NHEJ1: variants seen among roughly 807,000 people sequenced by gnomAD.
NHEJ1 encodes non-homologous end joining factor 1, also known as non-homologous end-joining factor 1.
A neutral mutation model predicts 39.4 loss-of-function variants in NHEJ1; 22 were observed. The ratio of observed to expected loss-of-function variants is 0.56; its 90% confidence interval spans 0.40 to 0.80. The LOEUF (loss-of-function observed/expected upper bound fraction) is 0.80, where lower values mean the gene tolerates loss of function less well. Among genes scored for constraint, NHEJ1 ranks in the 30% least tolerant of loss-of-function variants. The pLI is 0.00. For synonymous variants in NHEJ1, 154 were observed against 135.6 expected (o/e 1.14, Z -0.94); for missense variants, 329 against 357.1 (o/e 0.92, Z 0.63).
At chr2:219,137,128 A>G (rs1949638935) in intron 5 of NHEJ1, among the ~76,000 whole-genome samples, 4 of 151,918 alleles carry the variant, frequency 2.6e-5, no homozygotes, top group African/African-American at 9.7e-5. Flanking sequence ...TCACAGTGAG[A>G]AAACCCCAAA....
chr2:219,077,106 T>C, intron 7 of NHEJ1, 140 bp downstream of exon 7: 1 of 718,852 alleles, frequency 1.4e-6, no homozygotes, highest in South Asian at 1.5e-5. Context: ...TCTAGACACC[T>C]ACAATTTGGA....
Position 219,147,878 on chromosome 2 carries a change from G to A in NHEJ1, c.391-83C>T, listed in dbSNP as rs375019866. On this transcript the variant is annotated intron_variant, in intron 3 of 7. Transcript: ENST00000356853. ...AGTATTAGGTACCAGAAAAAATACC[G>A]AAAAATAAATGTTCTTACAGAAACT... 78 of 1,390,896 alleles carry A rather than the reference G, an allele frequency of 5.6e-5. 1 individual carries two copies. In the South Asian group the frequency reaches 6.4e-4, roughly 11 times the overall value. The allele number at this position is 1,390,896 out of a possible 1,614,324, so 86.2% of individuals were successfully genotyped here. A position where few individuals can be genotyped will look rare whatever the true frequency, so the allele number is the denominator to read the frequency against.
chr2:219,084,007 C>CTTT (rs558515060), intron 5 of NHEJ1, among the ~76,000 whole-genome samples: 22 of 133,296 alleles, frequency 1.7e-4, no homozygotes, highest in Admixed American at 1.1e-3. Context: ...TCTTTCTTTG[C>CTTT]TTTTTTTTTT....
At chr2:219,158,130 A>T (rs1949875182) in intron 2 of NHEJ1, 56 bp downstream of exon 2, 1 of 1,594,852 alleles carries the variant, frequency 6.3e-7, no homozygotes, top group East Asian at 2.2e-5. Context: ...ACTACAGGCC[A>T]GCAAGCTGGT....
At chr2:219,133,069 G>A (rs1443750053) in intron 5 of NHEJ1, among the ~76,000 whole-genome samples, 1 of 152,046 alleles carries the variant, frequency 6.6e-6, no homozygotes, top group Non-Finnish European at 1.5e-5. Flanking sequence ...AATTCTTCTG[G>A]GACCTTCTGG....
intron 7 of NHEJ1, 55 bp downstream of exon 7, chr2:219,077,191 G>A (rs1949021435): frequency 7.7e-7 from 1 of 1,295,756 alleles, no homozygotes; most frequent in Non-Finnish European, 1.1e-6. Flanking sequence ...CACTGGCTTG[G>A]GGGCTATAGG....
At chr2:219,130,464 G>T (rs1521134) in intron 5 of NHEJ1, among the ~76,000 whole-genome samples, 76,652 of 151,468 alleles carry the variant, frequency 0.51, 21,543 homozygotes, top group Non-Finnish European at 0.64. Context: ...GAAGTCCTCT[G>T]ACACAAAATT....
chr2:219,142,006 T>C (rs943910572), intron 5 of NHEJ1, among the ~76,000 whole-genome samples: 1 of 152,200 alleles, frequency 6.6e-6, no homozygotes, highest in African/African-American at 2.4e-5. Flanking sequence ...TAGTTTAAAG[T>C]ATCTGCTCTA....
At chr2:219,082,469 A>G (rs1185868931) in intron 5 of NHEJ1, among the ~76,000 whole-genome samples, 1 of 152,172 alleles carries the variant, frequency 6.6e-6, no homozygotes. Flanking sequence ...AGCATTTTCA[A>G]CTACAAATAC....
chr2:219,142,079 C>T (rs1949696876), intron 5 of NHEJ1, among the ~76,000 whole-genome samples: 1 of 152,162 alleles, frequency 6.6e-6, no homozygotes, highest in African/African-American at 2.4e-5. Flanking sequence ...AATATAACAA[C>T]CATGGCTGCA....
chr2:219,140,266 T>C (rs146409070), intron 5 of NHEJ1, among the ~76,000 whole-genome samples: 1 of 152,168 alleles, frequency 6.6e-6, no homozygotes, highest in Non-Finnish European at 1.5e-5. Context: ...TAAGATCATA[T>C]AGGGTTTTAT....
At chr2:219,131,281 A>G (rs1949576440) in intron 5 of NHEJ1, among the ~76,000 whole-genome samples, 2 of 152,234 alleles carry the variant, frequency 1.3e-5, no homozygotes, top group Non-Finnish European at 2.9e-5. Flanking sequence ...CCAAAGGTCC[A>G]GAGTCTCTAA....
chr2:219,125,624 C>T (rs1179305719), intron 5 of NHEJ1: 1 of 152,302 alleles, frequency 6.6e-6, no homozygotes, highest in Non-Finnish European at 1.5e-5. Context: ...CAGAGCTGGA[C>T]AAAGAGTGTC....
At chr2:219,142,281 T>C (rs1264643167) in intron 5 of NHEJ1, among the ~76,000 whole-genome samples, 1 of 152,186 alleles carries the variant, frequency 6.6e-6, no homozygotes, top group East Asian at 1.9e-4. Flanking sequence ...AAGGGACCCC[T>C]ACCAAAGGAA....
chr2:219,138,810 G>T (rs529420026), intron 5 of NHEJ1, among the ~76,000 whole-genome samples: 2 of 152,152 alleles, frequency 1.3e-5, no homozygotes, highest in African/African-American at 4.8e-5. Context: ...GAGTAGTCAG[G>T]GTAAACTCTA....
At chr2:219,132,984 G>A (rs533729895) in intron 5 of NHEJ1, among the ~76,000 whole-genome samples, 1 of 152,266 alleles carries the variant, frequency 6.6e-6, no homozygotes, top group South Asian at 2.1e-4. Context: ...GGCTTAATAA[G>A]TACTGTCCAT....
intron 5 of NHEJ1, among the ~76,000 whole-genome samples, chr2:219,079,443 G>A (rs1435952586): frequency 1.3e-5 from 2 of 152,226 alleles, no homozygotes; most frequent in Non-Finnish European, 2.9e-5. Context: ...AAGAGAGAAA[G>A]TGTGAGAAGC....
rs375891819 is a variant in NHEJ1, at chr2:219,157,580, G to C, written c.282C>G (p.Thr94=). 5 of 1,614,188 alleles carry C rather than the reference G, an allele frequency of 3.1e-6. No homozygotes were observed. The highest frequency in any genetic ancestry group is 1.7e-5 in the Admixed American group (1 of 60,014). ...CATCTGCCACACAATCACAGGAGAAGGTAGCTTCGCTAGGGTGAGCAGCGT... is the reference window on the plus strand; with the variant it reads ...CATCTGCCACACAATCACAGGAGAACGTAGCTTCGCTAGGGTGAGCAGCGT... ...LKDAAHPSEA[T]FSCDCVADAL... Residue 94 remains threonine, a synonymous_variant, in exon 3 of 8, where the codon ACC becomes ACG. Transcript: ENST00000356853.
intron 5 of NHEJ1, among the ~76,000 whole-genome samples, chr2:219,118,880 T>C (rs1167631527): frequency 6.6e-6 from 1 of 152,092 alleles, no homozygotes; most frequent in Non-Finnish European, 1.5e-5. Context: ...TGGGAATCAA[T>C]GGCGGCTGGT....
Sources: gnomAD v4.1 joint callset for allele counts (sites outside exome capture counted in the v4.1 genomes callset) on GRCh38, gnomAD v4.1.1 for gene constraint, MANE v1.5 for transcripts, NCBI Gene and HGNC (gene_info 2026-07-23, HGNC 2026-07-21) for gene names.